Variants in ARHGAP24 observed in about 807,000 individuals in gnomAD.
ARHGAP24 encodes rho GTPase-activating protein 24.
In ARHGAP24, 50 loss-of-function variants were observed where a neutral mutation model predicts 76.4. The observed-to-expected ratio is 0.65, with a 90% confidence interval of 0.52 to 0.83. The LOEUF (loss-of-function observed/expected upper bound fraction) is 0.83. ARHGAP24 is among the 40% of genes least tolerant of loss of function. The probability of loss-of-function intolerance (pLI) is 0.00; values close to 1 mark genes in which losing one functional copy is unlikely to be tolerated. For synonymous variants in ARHGAP24, 345 were observed against 323.3 expected (o/e 1.07, Z -0.72); for missense variants, 930 against 914.2 (o/e 1.02, Z -0.22).
At chr4:85,686,332 G>A (rs932050510) in intron 2 of ARHGAP24, among the ~76,000 whole-genome samples, 30 of 152,116 alleles carry the variant, frequency 2.0e-4, no homozygotes, top group African/African-American at 6.5e-4. Flanking sequence ...AGAGAAAATG[G>A]CACCTAGAGT....
intron 3 of ARHGAP24, among the ~76,000 whole-genome samples, chr4:85,893,883 G>T (rs897274780): frequency 7.0e-6 from 1 of 142,100 alleles, no homozygotes; most frequent in African/African-American, 2.7e-5. Flanking sequence ...CTCACTCATA[G>T]GTGGGAATTG....
At chr4:85,794,211 C>T (rs573351305) in intron 3 of ARHGAP24, among the ~76,000 whole-genome samples, 6 of 152,072 alleles carry the variant, frequency 3.9e-5, no homozygotes, top group Non-Finnish European at 8.8e-5. Context: ...TTCCAACAGC[C>T]GAATGGGGGC....
chr4:85,889,614 G>A (rs1237149854), intron 3 of ARHGAP24, among the ~76,000 whole-genome samples: 3 of 152,106 alleles, frequency 2.0e-5, no homozygotes, highest in South Asian at 2.1e-4. Flanking sequence ...TTCTTTCCAC[G>A]ACTATTTAGC....
At chr4:85,747,282 A>G (rs913533684) in intron 3 of ARHGAP24, among the ~76,000 whole-genome samples, 1 of 152,192 alleles carries the variant, frequency 6.6e-6, no homozygotes, top group Middle Eastern at 3.2e-3. Context: ...TATCTTGTAT[A>G]GCTTTTGAAA....
At chr4:85,850,149 A>G (rs967979969) in intron 3 of ARHGAP24, among the ~76,000 whole-genome samples, 1 of 152,154 alleles carries the variant, frequency 6.6e-6, no homozygotes, top group African/African-American at 2.4e-5. Flanking sequence ...CTATTCAGGG[A>G]TTCAACTTCT....
intron 5 of ARHGAP24, among the ~76,000 whole-genome samples, chr4:85,960,665 G>T (rs1738189902): frequency 6.6e-6 from 1 of 152,136 alleles, no homozygotes; most frequent in African/African-American, 2.4e-5. Flanking sequence ...ATCTCAGGAA[G>T]TAGAAAACTC....
At chr4:85,885,924 A>G (rs1158758591) in intron 3 of ARHGAP24, among the ~76,000 whole-genome samples, 1 of 152,188 alleles carries the variant, frequency 6.6e-6, no homozygotes, top group African/African-American at 2.4e-5. Context: ...TAGAATAGGA[A>G]TCCCGCACAG....
At chr4:85,494,799 C>A (rs184563433) in intron 1 of ARHGAP24, among the ~76,000 whole-genome samples, 1 of 152,008 alleles carries the variant, frequency 6.6e-6, no homozygotes, top group African/African-American at 2.4e-5. Flanking sequence ...TGAAAACTCT[C>A]AAGAAAAAGA....
At chr4:85,853,979 ACC>A (rs67384325) in intron 3 of ARHGAP24, among the ~76,000 whole-genome samples, 13 of 150,770 alleles carry the variant, frequency 8.6e-5, no homozygotes, top group African/African-American at 2.7e-4. Flanking sequence ...ACAAAAAAAA[ACC>A]CCAATTAGCC....
intron 1 of ARHGAP24, among the ~76,000 whole-genome samples, chr4:85,560,366 G>A (rs1347974147): frequency 1.3e-5 from 2 of 152,108 alleles, no homozygotes; most frequent in Non-Finnish European, 2.9e-5. Context: ...GACAACAAAA[G>A]CTAAATTCTT....
intron 2 of ARHGAP24, among the ~76,000 whole-genome samples, chr4:85,584,688 A>G (rs1467975268): frequency 6.6e-6 from 1 of 152,186 alleles, no homozygotes. Context: ...CCAGGAAGGA[A>G]AAAATAAATA....
intron 3 of ARHGAP24, among the ~76,000 whole-genome samples, chr4:85,741,090 A>T (rs1725805469): frequency 6.6e-6 from 1 of 152,216 alleles, no homozygotes; most frequent in Non-Finnish European, 1.5e-5. Flanking sequence ...GTGAAATAGC[A>T]AATGCAGGGT....
In ARHGAP24 at chr4:85,994,836, T is replaced by C. The variant is rs1740551210; in HGVS notation, c.1182T>C (p.Ala394=). Residue 394 remains alanine, a synonymous_variant, in exon 9 of 10, where the codon GCT becomes GCC. Transcript: ENST00000395184. The part of the protein sequence containing the change: ...RSSMNNGSPT[A]LSGSKTNSPK... ...GCATGAACAATGGATCCCCCACAGC[T>C]CTATCAGGCAGCAAAACCAACAGCC... 6.2e-7 allele frequency: 1 copy of C among 1,613,952 alleles called. No individual in the cohort carries two copies.
At chr4:85,967,940 A>T (rs1454509533) in intron 5 of ARHGAP24, among the ~76,000 whole-genome samples, 1 of 152,152 alleles carries the variant, frequency 6.6e-6, no homozygotes, top group South Asian at 2.1e-4. Flanking sequence ...GAGAAAAAGA[A>T]GTTACCTACA....
At chr4:85,520,173 A>G (rs1021668830) in intron 1 of ARHGAP24, among the ~76,000 whole-genome samples, 1 of 152,132 alleles carries the variant, frequency 6.6e-6, no homozygotes, top group Non-Finnish European at 1.5e-5. Context: ...ATTTCCATAT[A>G]TGGTGTGGGA....
intron 5 of ARHGAP24, among the ~76,000 whole-genome samples, chr4:85,952,081 A>G (rs1265814144): frequency 2.6e-5 from 4 of 152,172 alleles, no homozygotes; most frequent in Admixed American, 2.6e-4. Context: ...AAATATGAAT[A>G]TTTTAAAATT....
chr4:85,710,303 G>A (rs934604194), intron 2 of ARHGAP24, among the ~76,000 whole-genome samples: 4 of 152,146 alleles, frequency 2.6e-5, no homozygotes, highest in African/African-American at 9.7e-5. Context: ...CTAGCCATAT[G>A]CAGGAGATTG....
chr4:85,837,313 C>A (rs1730343503), intron 3 of ARHGAP24, among the ~76,000 whole-genome samples: 2 of 152,118 alleles, frequency 1.3e-5, no homozygotes, highest in Non-Finnish European at 2.9e-5. Context: ...TGAAATAAGG[C>A]CTGTCAAGGG....
chr4:85,826,835 G>A (rs1305302565), intron 3 of ARHGAP24, among the ~76,000 whole-genome samples: 2 of 152,148 alleles, frequency 1.3e-5, no homozygotes, highest in Non-Finnish European at 2.9e-5. Context: ...TAAAAAAATT[G>A]TCTAAAGGGT....
Sources: gnomAD v4.1 joint callset for allele counts (sites outside exome capture counted in the v4.1 genomes callset) on GRCh38, gnomAD v4.1.1 for gene constraint, MANE v1.5 for transcripts, NCBI Gene and HGNC (gene_info 2026-07-23, HGNC 2026-07-21) for gene names.